Variants in TENM3 observed in about 807,000 individuals in gnomAD.
The protein encoded by TENM3 is teneurin-3.
A neutral mutation model predicts 255.1 loss-of-function variants in TENM3; 63 were observed. The observed-to-expected ratio is 0.25, with a 90% CI of 0.20 to 0.30. The LOEUF (loss-of-function observed/expected upper bound fraction) is 0.30. Among genes scored for constraint, TENM3 ranks in the 10% least tolerant of loss-of-function variants. TENM3 has a pLI of 1.00. For missense variants in TENM3, 2,929 were observed against 3,461.1 expected, an observed-to-expected ratio of 0.85 and a Z score of 3.86; for synonymous variants, 1,306 against 1,322.3, an observed-to-expected ratio of 0.99 and a Z score of 0.27.
At chr4:182,293,419 A>T (rs1177975885) in intron 1 of TENM3, among the ~76,000 whole-genome samples, 1 of 152,152 alleles carries the variant, frequency 6.6e-6, no homozygotes, top group Non-Finnish European at 1.5e-5. Context: ...TGGAGACCTT[A>T]CGTGGAATTC....
chr4:182,084,438 G>C, the TENM3 span, among the ~76,000 whole-genome samples: 37,352 of 152,026 alleles, frequency 0.25, 5,576 homozygotes, highest in Admixed American at 0.32. Flanking sequence ...GTGTTCATTT[G>C]ATTCTTGTCA....
the TENM3 span, among the ~76,000 whole-genome samples, chr4:181,729,681 C>T: frequency 6.6e-6 from 1 of 152,134 alleles, no homozygotes; most frequent in Admixed American, 6.6e-5. Context: ...GCCAGGGTGG[C>T]TCTTCTCCAC....
At chr4:182,388,848 G>C (rs1319005368) in intron 3 of TENM3, among the ~76,000 whole-genome samples, 3 of 152,136 alleles carry the variant, frequency 2.0e-5, no homozygotes, top group Non-Finnish European at 2.9e-5. Flanking sequence ...CGCAATCTAT[G>C]ACCAAAAGTT....
At chr4:181,687,670 T>C in the TENM3 span, among the ~76,000 whole-genome samples, 1 of 152,142 alleles carries the variant, frequency 6.6e-6, no homozygotes, top group African/African-American at 2.4e-5. Flanking sequence ...TCAAAAACCC[T>C]GCCCTGAATT....
At position 182,303,475 on chromosome 4, in the gene TENM3, G is replaced by A. The variant is rs546561558; in HGVS notation, c.-75-20471G>A. Among the ~76,000 whole-genome samples, 23 of 152,286 alleles carry A rather than the reference G, an allele frequency of 1.5e-4. No individual in the cohort carries two copies. The East Asian group carries it at 1.7e-3, about 12-fold the overall frequency. On this transcript the variant is annotated intron_variant, in intron 1 of 27. Transcript: ENST00000511685. ...GCTTTAAAAGCTTTCACAATAAAGCGTAAGAATTGATATGACCCATCATTT... is the reference window on the plus strand; with the variant it reads ...GCTTTAAAAGCTTTCACAATAAAGCATAAGAATTGATATGACCCATCATTT...
the TENM3 span, among the ~76,000 whole-genome samples, chr4:181,722,157 A>G: frequency 6.6e-6 from 1 of 152,202 alleles, no homozygotes; most frequent in East Asian, 1.9e-4. Flanking sequence ...GATTCAAAGG[A>G]CACATAGAAA....
At chr4:182,125,822 A>T in the TENM3 span, among the ~76,000 whole-genome samples, 2 of 151,378 alleles carry the variant, frequency 1.3e-5, no homozygotes, top group Admixed American at 6.6e-5. Flanking sequence ...GGATCATGGG[A>T]ATGAGTCCAT....
chr4:182,428,812 T>C (rs1399331804), intron 3 of TENM3, among the ~76,000 whole-genome samples: 5 of 152,170 alleles, frequency 3.3e-5, no homozygotes, highest in Admixed American at 3.3e-4. Flanking sequence ...TATAAAAAAA[T>C]TAAAAGAGGA....
At chr4:181,710,346 A>G in the TENM3 span, among the ~76,000 whole-genome samples, 1 of 152,150 alleles carries the variant, frequency 6.6e-6, no homozygotes, top group Admixed American at 6.5e-5. Context: ...AAAAATGCTG[A>G]CGAGGACCAA....
At chr4:182,744,589 G>T (rs1280362870) in intron 19 of TENM3, among the ~76,000 whole-genome samples, 19 of 152,086 alleles carry the variant, frequency 1.2e-4, no homozygotes, top group Admixed American at 1.2e-3. Flanking sequence ...TTAAGAAAAA[G>T]AATCTAGAAA....
chr4:181,974,912 G>A, the TENM3 span, among the ~76,000 whole-genome samples: 1 of 152,152 alleles, frequency 6.6e-6, no homozygotes, highest in Non-Finnish European at 1.5e-5. Flanking sequence ...GTAACCGATA[G>A]GTAATTTTTC....
At chr4:182,017,920 C>G in the TENM3 span, among the ~76,000 whole-genome samples, 9 of 152,054 alleles carry the variant, frequency 5.9e-5, no homozygotes, top group Non-Finnish European at 1.0e-4. Context: ...GAAAACAGAA[C>G]AAAGGTCTTA....
intron 3 of TENM3, among the ~76,000 whole-genome samples, chr4:182,452,572 T>C (rs1773553823): frequency 6.6e-6 from 1 of 152,140 alleles, no homozygotes; most frequent in Non-Finnish European, 1.5e-5. Context: ...TTAGGATCAT[T>C]AGTGAAATTT....
chr4:181,922,173 A>C, the TENM3 span, among the ~76,000 whole-genome samples: 17 of 152,218 alleles, frequency 1.1e-4, no homozygotes, highest in Non-Finnish European at 1.6e-4. Context: ...AATGTTCATC[A>C]AATATATTGG....
At chr4:181,589,150 T>C in the TENM3 span, among the ~76,000 whole-genome samples, 1 of 152,182 alleles carries the variant, frequency 6.6e-6, no homozygotes, top group Admixed American at 6.5e-5. Context: ...TTAAATGATT[T>C]TGGTGGTAAT....
At chr4:181,605,584 G>GAGAGAGAGA in the TENM3 span, among the ~76,000 whole-genome samples, 22 of 69,138 alleles carry the variant, frequency 3.2e-4, 2 homozygotes, top group African/African-American at 1.1e-3. Flanking sequence ...GAGAAAGAAA[G>GAGAGAGAGA]GAAAGAAAGA....
At chr4:182,600,837 G>A in intron 3 of TENM3, 87 bp from the exon 4 acceptor site, 1 of 631,648 alleles carries the variant, frequency 1.6e-6, no homozygotes. Context: ...CATCTGCAGT[G>A]GATCCCCAAG....
At chr4:182,744,226 C>G in intron 19 of TENM3, 1 of 876,098 alleles carries the variant, frequency 1.1e-6, no homozygotes. Context: ...TTCAATGTGA[C>G]CCTCTGAAAT....
intron 3 of TENM3, among the ~76,000 whole-genome samples, chr4:182,581,459 C>T (rs1745486887): frequency 6.6e-6 from 1 of 152,002 alleles, no homozygotes; most frequent in Non-Finnish European, 1.5e-5. Context: ...AAAAATAGGC[C>T]GGGTGCAGTG....
Sources: gnomAD v4.1 joint callset for allele counts (sites outside exome capture counted in the v4.1 genomes callset) on GRCh38, gnomAD v4.1.1 for gene constraint, MANE v1.5 for transcripts, NCBI Gene and HGNC (gene_info 2026-07-23, HGNC 2026-07-21) for gene names.